Variants in EEA1 observed in about 807,000 individuals in gnomAD.
The protein encoded by EEA1 is early endosome antigen 1, 162kD.
In EEA1, 111 loss-of-function variants were observed where a neutral mutation model predicts 209.2. The ratio of observed to expected loss-of-function variants is 0.53; its 90% CI spans 0.45 to 0.62. EEA1 has a LOEUF of 0.62. Ranked by LOEUF, EEA1 falls within the 20% of genes least tolerant of loss-of-function variation. The probability of loss-of-function intolerance (pLI) is 0.00; values close to 1 mark genes in which losing one functional copy is unlikely to be tolerated. For missense variants in EEA1, 1,343 were observed against 1,530.8 expected (o/e 0.88, Z 2.05); for synonymous variants, 536 against 540.6 (o/e 0.99, Z 0.12).
At chr12:92,811,491 C>A in intron 16 of EEA1, 57 bp from the exon 17 acceptor site, 1 of 1,158,264 alleles carries the variant, frequency 8.6e-7, no homozygotes, top group Non-Finnish European at 1.1e-6. Flanking sequence ...TTGTAGTGGC[C>A]AAATGTTCAA....
intron 20 of EEA1, 40 bp from the exon 21 acceptor site, chr12:92,799,126 A>G: frequency 6.7e-7 from 1 of 1,495,646 alleles, no homozygotes; most frequent in African/African-American, 1.4e-5. Context: ...TCATTTGTTC[A>G]TTCAAAAGAC....
chr12:92,929,106 G>T lies in EEA1; in HGVS notation c.-40C>A. 6.4e-7 allele frequency: 1 copy of T among 1,564,280 alleles called. No homozygotes were observed. The stretch of plus-strand genomic sequence containing the variant: ...CCGGCGCCGCCGCGGTGACTCTCCA[G>T]ACCCTGCGCGGGGCCACTCACTACT... On this transcript the variant is annotated 5_prime_UTR_variant, in exon 1 of 29. It adds an upstream start codon to the 5' untranslated region. Transcript: ENST00000322349.
chr12:92,858,414 C>T, intron 3 of EEA1: 2 of 1,209,096 alleles, frequency 1.7e-6, no homozygotes, highest in Non-Finnish European at 2.4e-6. Context: ...AGCCTTGGAG[C>T]AACAGTCACC....
chr12:92,785,814 A>C (rs529506420), intron 22 of EEA1, among the ~76,000 whole-genome samples: 1 of 152,202 alleles, frequency 6.6e-6, no homozygotes, highest in African/African-American at 2.4e-5. Flanking sequence ...GTCCCTTAAC[A>C]GTTGTAAAAC....
intron 13 of EEA1, among the ~76,000 whole-genome samples, chr12:92,820,621 C>T (rs577716135): frequency 1.4e-4 from 22 of 152,042 alleles, no homozygotes; most frequent in African/African-American, 4.8e-4. Flanking sequence ...AGAGGGAGAG[C>T]ATTAGAGCAA....
At chr12:92,903,830 A>AT (rs1411061998) in intron 1 of EEA1, among the ~76,000 whole-genome samples, 1 of 152,088 alleles carries the variant, frequency 6.6e-6, no homozygotes, top group South Asian at 2.1e-4. Flanking sequence ...TGTTAGGATG[A>AT]TTTTTTTGTT....
chr12:92,799,166 T>G (rs1434403126), intron 20 of EEA1, 80 bp from the exon 21 acceptor site: 1 of 1,209,220 alleles, frequency 8.3e-7, no homozygotes, highest in Non-Finnish European at 1.1e-6. Context: ...AAAAAAAATC[T>G]ATTTAGCCTT....
chr12:92,884,066 C>G, intron 2 of EEA1: 1 of 1,315,940 alleles, frequency 7.6e-7, no homozygotes, highest in Non-Finnish European at 1.1e-6. Context: ...TCTCAAAGAC[C>G]AGGTGCCCAC....
At chr12:92,817,924 C>G (rs750223333) in intron 14 of EEA1, among the ~76,000 whole-genome samples, 34 of 152,102 alleles carry the variant, frequency 2.2e-4, no homozygotes, top group Non-Finnish European at 4.3e-4. Flanking sequence ...ACTGAATACT[C>G]CAAGTGTTCA....
At position 92,776,931 on chromosome 12, in the gene EEA1, T is replaced by A. The variant is rs770399482; in HGVS notation, c.4026A>T (p.Thr1342=). The change falls in exon 28 of 29, where the codon ACA becomes ACT. Residue 1342 remains threonine (T), a synonymous_variant. Transcript: ENST00000322349. ...CGGCCCACTTTCTATTCAACGCTTG[T>A]GTATGTTTGATCTGTTTTTTAAAGA... The part of the protein sequence containing the change: ...RENQSLQIKH[T]QALNRKWAED... 14 of 1,611,646 alleles carry A rather than the reference T, an allele frequency of 8.7e-6. 1 individual carries two copies. In the South Asian group the frequency reaches 1.4e-4, roughly 16 times the overall value.
chr12:92,888,432 C>G (rs892739041), intron 2 of EEA1, among the ~76,000 whole-genome samples: 12 of 151,982 alleles, frequency 7.9e-5, no homozygotes, highest in African/African-American at 2.9e-4. Flanking sequence ...AAAAAATTAG[C>G]CGGGTGTGGT....
At chr12:92,801,489 A>G in intron 20 of EEA1, 111 bp downstream of exon 20, 1 of 663,636 alleles carries the variant, frequency 1.5e-6, no homozygotes. Flanking sequence ...CTATAAAAAA[A>G]AATTATCTGT....
chr12:92,849,155 T>C (rs1592734880), intron 9 of EEA1, among the ~76,000 whole-genome samples: 2 of 152,234 alleles, frequency 1.3e-5, no homozygotes, highest in South Asian at 2.1e-4. Flanking sequence ...TTAAAATACA[T>C]ATTCCTAAAA....
intron 13 of EEA1, among the ~76,000 whole-genome samples, chr12:92,825,320 G>A (rs190298015): frequency 7.9e-5 from 12 of 152,042 alleles, no homozygotes; most frequent in Admixed American, 7.2e-4. Context: ...GCACGGTGGC[G>A]GACGCCTGTA....
At position 92,898,731 on chromosome 12, in the gene EEA1, C is replaced by CTTT. The variant is rs772593153; in HGVS notation, c.25-7013_25-7011dup. Among the ~76,000 whole-genome samples the CTTT allele has an allele frequency of 4.3e-4, 33 of 76,106 alleles. 3 individuals are homozygous for CTTT. Among genetic ancestry groups the CTTT allele is most frequent in the Non-Finnish European group, 6.4e-4 (26 of 40,716 alleles). The allele number at this position is 76,106 out of a possible 152,430, so 49.9% of individuals were successfully genotyped here. On this transcript the variant is annotated intron_variant, in intron 1 of 28. Coordinates refer to ENST00000322349, the MANE Select transcript of EEA1 (RefSeq NM_003566.4). ...CTTCTTTTTTTTTTCCTTTTTTTCCCTTTTTTTTTTTTTTTTTTTTTTTTT... is the reference window on the plus strand; with the variant it reads ...CTTCTTTTTTTTTTCCTTTTTTTCCCTTTTTTTTTTTTTTTTTTTTTTTTTTTT...
chr12:92,870,615 A>T, intron 2 of EEA1, among the ~76,000 whole-genome samples: 1 of 151,348 alleles, frequency 6.6e-6, no homozygotes, highest in African/African-American at 2.4e-5. Context: ...AACGCTGTAT[A>T]TTTTCCTGAA....
intron 9 of EEA1, among the ~76,000 whole-genome samples, chr12:92,844,522 C>T (rs1362724089): frequency 6.6e-6 from 1 of 152,052 alleles, no homozygotes. Flanking sequence ...TTTTCAACTA[C>T]ACTCAAGTTA....
At chr12:92,899,240 C>T (rs1880054458) in intron 1 of EEA1, among the ~76,000 whole-genome samples, 1 of 152,058 alleles carries the variant, frequency 6.6e-6, no homozygotes, top group Non-Finnish European at 1.5e-5. Flanking sequence ...GGCTTTCATC[C>T]TCAGAGAAGT....
Position 92,924,457 on chromosome 12 carries a change from C to A in EEA1, c.24+4586G>T, listed in dbSNP as rs904261765. 4.6e-5 allele frequency among the ~76,000 whole-genome samples: 7 copies of A among 152,090 alleles called. No individual in the cohort carries two copies. In the South Asian group the frequency reaches 1.0e-3, roughly 23 times the overall value. On this transcript the variant is annotated intron_variant, in intron 1 of 28. Coordinates refer to ENST00000322349, the MANE Select transcript of EEA1 (RefSeq NM_003566.4). ...CTCCTGACCTCAGGTGATCCACCCA[C>A]CTCAGCCTCCCAAAGTGCTGGGATT...
Sources: gnomAD v4.1 joint callset for allele counts (sites outside exome capture counted in the v4.1 genomes callset) on GRCh38, gnomAD v4.1.1 for gene constraint, MANE v1.5 for transcripts, NCBI Gene and HGNC (gene_info 2026-07-23, HGNC 2026-07-21) for gene names.